MAGI2: variants seen among roughly 807,000 people sequenced by gnomAD.
The protein encoded by MAGI2 is membrane-associated guanylate kinase, WW and PDZ domain-containing protein 2.
MAGI2 carries 35 observed loss-of-function variants against 133.3 expected under a neutral mutation model. The observed-to-expected ratio is 0.26, with a 90% CI of 0.20 to 0.35. The LOEUF (loss-of-function observed/expected upper bound fraction) is 0.35. MAGI2 is among the 10% of genes least tolerant of loss of function. The probability of loss-of-function intolerance (pLI) is 1.00; values close to 1 mark genes in which losing one functional copy is unlikely to be tolerated. For missense variants in MAGI2, 1,636 were observed against 1,863.4 expected (o/e 0.88, Z 2.25); for synonymous variants, 729 against 710.6 (o/e 1.03, Z -0.41).
At chr7:79,117,463 G>C (rs905575276) in intron 1 of MAGI2, among the ~76,000 whole-genome samples, 23 of 152,048 alleles carry the variant, frequency 1.5e-4, no homozygotes, top group African/African-American at 4.6e-4. Flanking sequence ...CCACTGCAAA[G>C]GTAATACTAA....
intron 2 of MAGI2, among the ~76,000 whole-genome samples, chr7:78,956,411 C>A (rs560857447): frequency 6.6e-6 from 1 of 152,260 alleles, no homozygotes; most frequent in South Asian, 2.1e-4. Context: ...AGGACCTACA[C>A]TAAAAGGTCC....
chr7:78,451,490 TGACAGAA>T (rs1319169778), intron 6 of MAGI2, among the ~76,000 whole-genome samples: 1 of 152,062 alleles, frequency 6.6e-6, no homozygotes, highest in Non-Finnish European at 1.5e-5. Context: ...CCCGTGAGAA[TGACAGAA>T]GTAATATGAG....
At chr7:78,232,192 A>G (rs957793074) in intron 10 of MAGI2, among the ~76,000 whole-genome samples, 2 of 152,346 alleles carry the variant, frequency 1.3e-5, no homozygotes, top group Non-Finnish European at 2.9e-5. Flanking sequence ...GCAAATAGCT[A>G]AACACTGTTT....
At chr7:78,972,433 A>G (rs1326501697) in intron 2 of MAGI2, among the ~76,000 whole-genome samples, 1 of 151,840 alleles carries the variant, frequency 6.6e-6, no homozygotes, top group Non-Finnish European at 1.5e-5. Flanking sequence ...TTTAGAAAAA[A>G]TTGATGGCAC....
chr7:79,452,298 C>T (rs1467454354), intron 1 of MAGI2, among the ~76,000 whole-genome samples: 4 of 152,212 alleles, frequency 2.6e-5, no homozygotes, highest in African/African-American at 7.2e-5. Flanking sequence ...CGCCTTCTTC[C>T]GGAGCCTCCT....
chr7:78,164,651 C>T (rs940777841), intron 15 of MAGI2, among the ~76,000 whole-genome samples: 1 of 152,248 alleles, frequency 6.6e-6, no homozygotes, highest in African/African-American at 2.4e-5. Context: ...CACCCATCTG[C>T]CAAGACAACC....
At chr7:78,738,299 TG>T (rs1237918731) in intron 2 of MAGI2, among the ~76,000 whole-genome samples, 1 of 152,128 alleles carries the variant, frequency 6.6e-6, no homozygotes, top group Admixed American at 6.5e-5. Flanking sequence ...AATTAAGAAT[TG>T]TCATAGCCTG....
chr7:78,135,790 C>T (rs6951515), intron 16 of MAGI2, among the ~76,000 whole-genome samples: 130,249 of 152,202 alleles, frequency 0.86, 55,842 homozygotes, highest in Non-Finnish European at 0.87. Context: ...TAACCACCTT[C>T]CCACTCATGT....
chr7:78,687,661 C>A (rs184296948), intron 2 of MAGI2, among the ~76,000 whole-genome samples: 1 of 152,124 alleles, frequency 6.6e-6, no homozygotes. Flanking sequence ...AAAAAATGAG[C>A]TTCTAAAGTG....
At position 78,575,492 on chromosome 7, in the gene MAGI2, T is replaced by A. The variant is rs371929211; in HGVS notation, c.538+51628A>T. ...TTAAGTGTGGGCTGCACATAGTGAC[T>A]TTTTTCCAAGGACTACATAAATGAA... On this transcript the variant is annotated intron_variant, in intron 3 of 21. Coordinates refer to ENST00000354212, the MANE Select transcript of MAGI2 (RefSeq NM_012301.4). Among the ~76,000 whole-genome samples, 4 of 152,122 alleles carry A rather than the reference T, an allele frequency of 2.6e-5. No individual in the cohort carries two copies. The East Asian group carries it at 5.8e-4, about 22-fold the overall frequency.
chr7:78,965,861 T>G (rs1803263710), intron 2 of MAGI2, among the ~76,000 whole-genome samples: 1 of 152,046 alleles, frequency 6.6e-6, no homozygotes. Flanking sequence ...TTCTTCCAGG[T>G]CATGACATTT....
At chr7:78,192,350 T>C (rs1828302047) in intron 12 of MAGI2, among the ~76,000 whole-genome samples, 1 of 152,306 alleles carries the variant, frequency 6.6e-6, no homozygotes, top group East Asian at 1.9e-4. Context: ...ATCTTTTGTT[T>C]CGGTATGTAC....
chr7:78,297,334 T>C (rs1182131782), intron 9 of MAGI2, among the ~76,000 whole-genome samples: 1 of 151,802 alleles, frequency 6.6e-6, no homozygotes, highest in East Asian at 1.9e-4. Flanking sequence ...AAACAACAGG[T>C]GCTGGAGAGG....
chr7:78,411,971 G>C (rs754078483), intron 6 of MAGI2, among the ~76,000 whole-genome samples: 5 of 151,948 alleles, frequency 3.3e-5, no homozygotes, highest in Middle Eastern at 3.2e-3. Flanking sequence ...TGGTCCTAAG[G>C]CTTTGGCAAT....
chr7:78,086,382 C>T (rs149530398), intron 20 of MAGI2, among the ~76,000 whole-genome samples: 36 of 151,540 alleles, frequency 2.4e-4, no homozygotes, highest in Non-Finnish European at 3.2e-4. Context: ...GGATTACAGG[C>T]GCACTCCACC....
intron 9 of MAGI2, among the ~76,000 whole-genome samples, chr7:78,259,300 G>C (rs1414300313): frequency 6.6e-6 from 1 of 152,042 alleles, no homozygotes; most frequent in Non-Finnish European, 1.5e-5. Flanking sequence ...GATCACATGG[G>C]ATATGAGGTC....
rs199541452 is a variant in MAGI2 at position 79,007,165 on chromosome 7, G to C, written c.343C>G (p.Arg115Gly). ...TGGTCCACAGAACCCTTTTGAAATC[G>C]TAAGTTGAGGTAGTGACGAAGGTCT... Reference protein sequence around the residue: ...DKDLRHYLNLRFQKGSVDHEL... With the variant: ...DKDLRHYLNLGFQKGSVDHEL... Residue 115 changes from arginine to glycine, a missense_variant, in exon 2 of 22, where the codon CGA becomes GGA. Physicochemically the swap from Arg to Gly is moderately radical, Grantham distance 125. This residue lies in a region of MAGI2 where 148 missense variants were observed against 239.0 expected (regional missense o/e 0.62). Transcript: ENST00000354212. 1.2e-6 allele frequency: 2 copies of C among 1,612,976 alleles called. No homozygotes were observed. Among genetic ancestry groups the C allele is most frequent in the Non-Finnish European group, 1.7e-6 (2 of 1,179,510 alleles).
At chr7:78,320,830 A>T (rs1189886551) in intron 9 of MAGI2, among the ~76,000 whole-genome samples, 2 of 152,276 alleles carry the variant, frequency 1.3e-5, no homozygotes, top group East Asian at 3.9e-4. Context: ...AGGAAGTCAA[A>T]TTGTCTCTTC....
chr7:79,377,149 G>A (rs1166058578), intron 1 of MAGI2, among the ~76,000 whole-genome samples: 1 of 151,810 alleles, frequency 6.6e-6, no homozygotes. Flanking sequence ...ACTTTAAAAA[G>A]TCAGATATAT....
Sources: allele counts gnomAD v4.1 joint callset (sites outside exome capture counted in the v4.1 genomes callset), GRCh38; gene constraint gnomAD v4.1.1; regional missense constraint gnomAD v4.1.1; transcripts MANE v1.5; gene names NCBI Gene and HGNC (gene_info 2026-07-23, HGNC 2026-07-21).